The following XIRP2 variants were observed in gnomAD, a reference collection of about 807,000 sequenced individuals.
The protein encoded by XIRP2 is xin actin-binding repeat-containing protein 2.
In XIRP2, 236 loss-of-function variants were observed where a neutral mutation model predicts 277.0. The ratio of observed to expected loss-of-function variants is 0.85; its 90% CI spans 0.77 to 0.95. The LOEUF is 0.95. Among genes scored for constraint, XIRP2 ranks in the 40% least tolerant of loss-of-function variants. The pLI is 0.00. For missense variants in XIRP2, 4,640 were observed against 4,157.5 expected (o/e 1.12, Z -3.19); for synonymous variants, 1,490 against 1,416.5 (o/e 1.05, Z -1.17).
intron 2 of XIRP2, among the ~76,000 whole-genome samples, chr2:166,958,978 T>G (rs2105404950): frequency 6.6e-6 from 1 of 151,900 alleles, no homozygotes; most frequent in Non-Finnish European, 1.5e-5. Context: ...CTCCTCTGCC[T>G]TTTCCAGTGA....
rs992386446 is a variant in XIRP2, at chr2:167,086,927, CCTT to C, written c.409-48976_409-48974del. On this transcript the variant is annotated intron_variant, in intron 2 of 10. Coordinates refer to ENST00000409195, the MANE Select transcript of XIRP2 (RefSeq NM_152381.6). ...CTCAGAGTAATTTGATCGTCTGAAG[CCTT>C]CTTCTGTCAGCTGGCCAAAGTCATT... Among the ~76,000 whole-genome samples the C allele has an allele frequency of 5.9e-3, 901 of 152,320 alleles. 11 individuals are homozygous for C. The highest frequency in any genetic ancestry group is 0.021 in the African/African-American group (856 of 41,560).
At position 167,039,236 on chromosome 2, in the gene XIRP2, GA is replaced by G. The variant is rs558080692; in HGVS notation, c.409-96664del. Among the ~76,000 whole-genome samples the G allele has an allele frequency of 2.7e-3, 412 of 150,614 alleles. 2 individuals are homozygous for G. Among genetic ancestry groups the G allele is most frequent in the Admixed American group, 5.8e-3 (88 of 15,144 alleles). The stretch of plus-strand genomic sequence containing the variant: ...AGAAACAACCTTACTCTTAAATTGT[GA>G]AAAAAAAAGTTTTTCTCAGTAATTC... On this transcript the variant is annotated intron_variant, in intron 2 of 10. Transcript: ENST00000409195.
intron 5 of XIRP2, among the ~76,000 whole-genome samples, chr2:167,229,805 T>C (rs939244053): frequency 5.9e-5 from 9 of 152,174 alleles, no homozygotes; most frequent in African/African-American, 2.2e-4. Context: ...AGAGCCATGC[T>C]GTTGTAGACG....
chr2:167,132,616 A>T (rs536969429), intron 2 of XIRP2, among the ~76,000 whole-genome samples: 1 of 152,012 alleles, frequency 6.6e-6, no homozygotes, highest in East Asian at 1.9e-4. Flanking sequence ...GGCCTTTGTG[A>T]TCTGCTCCCG....
intron 2 of XIRP2, among the ~76,000 whole-genome samples, chr2:167,002,194 A>C (rs980336707): frequency 6.6e-6 from 1 of 152,082 alleles, no homozygotes; most frequent in African/African-American, 2.4e-5. Flanking sequence ...TGCAATTTTA[A>C]AATCAGATTT....
chr2:167,220,138 T>C (rs968483153), intron 5 of XIRP2, among the ~76,000 whole-genome samples: 4 of 152,126 alleles, frequency 2.6e-5, no homozygotes, highest in African/African-American at 7.2e-5. Flanking sequence ...ACCAGGAAAA[T>C]TGGCAAATGC....
chr2:167,082,425 T>C (rs370544414), intron 2 of XIRP2, among the ~76,000 whole-genome samples: 3,321 of 152,076 alleles, frequency 0.022, 51 homozygotes, highest in East Asian at 0.052. Flanking sequence ...TGTGTCTTTA[T>C]AGCAGCATGA....
intron 3 of XIRP2, among the ~76,000 whole-genome samples, chr2:167,196,068 C>G (rs914807390): frequency 1.3e-5 from 2 of 151,942 alleles, no homozygotes; most frequent in Non-Finnish European, 2.9e-5. Context: ...GAGAGAGATT[C>G]ATAGTTCTGC....
chr2:167,102,814 C>T (rs1294710860), intron 2 of XIRP2, among the ~76,000 whole-genome samples: 1 of 152,138 alleles, frequency 6.6e-6, no homozygotes, highest in Non-Finnish European at 1.5e-5. Context: ...CATGGTATAG[C>T]AGACTTGTTG....
chr2:167,230,674 A>G (rs1694723166), intron 5 of XIRP2, among the ~76,000 whole-genome samples: 1 of 152,124 alleles, frequency 6.6e-6, no homozygotes, highest in East Asian at 1.9e-4. Flanking sequence ...AACCACTTTT[A>G]CTGGTTAAAT....
At chr2:167,112,936 C>T (rs1049559957) in intron 2 of XIRP2, among the ~76,000 whole-genome samples, 4 of 152,156 alleles carry the variant, frequency 2.6e-5, no homozygotes, top group African/African-American at 9.6e-5. Context: ...GTTACAGGCA[C>T]GAACCACCAT....
chr2:167,140,769 G>T (rs11902552), intron 3 of XIRP2: 1 of 152,046 alleles, frequency 6.6e-6, no homozygotes, highest in African/African-American at 2.4e-5. Flanking sequence ...TCCATTTTTT[G>T]TATCAGTAAT....
At chr2:167,063,492 G>A (rs1384500278) in intron 2 of XIRP2, among the ~76,000 whole-genome samples, 1 of 151,866 alleles carries the variant, frequency 6.6e-6, no homozygotes, top group African/African-American at 2.4e-5. Context: ...CAATTAATGA[G>A]AAGTGTTGAA....
intron 3 of XIRP2, among the ~76,000 whole-genome samples, chr2:167,192,992 C>T (rs1474985147): frequency 2.0e-5 from 3 of 152,164 alleles, no homozygotes; most frequent in Non-Finnish European, 2.9e-5. Context: ...TGTACTAGTG[C>T]ATGCCCGCTT....
chr2:167,173,234 T>A (rs1692746974), intron 3 of XIRP2, among the ~76,000 whole-genome samples: 1 of 152,202 alleles, frequency 6.6e-6, no homozygotes, highest in South Asian at 2.1e-4. Flanking sequence ...TTTCTAACTT[T>A]TTTTGGACCC....
intron 3 of XIRP2, among the ~76,000 whole-genome samples, chr2:167,189,635 T>C (rs2105364884): frequency 6.6e-6 from 1 of 152,286 alleles, no homozygotes; most frequent in South Asian, 2.1e-4. Context: ...ATTAATGACT[T>C]TTTTAGAACA....
Position 167,246,470 on chromosome 2 carries a change from G to A in XIRP2, c.5078G>A (p.Cys1693Tyr). The A allele has an allele frequency of 1.2e-6, 2 of 1,613,696 alleles. No homozygotes were observed. The highest frequency in any genetic ancestry group is 2.2e-5 in the South Asian group (2 of 91,056). The change falls in exon 9 of 11, where the codon TGT becomes TAT. Residue 1693 changes from cysteine (C) to tyrosine (Y), a missense_variant. Physicochemically the swap from Cys to Tyr is radical, Grantham distance 194. Coordinates refer to ENST00000409195, the MANE Select transcript of XIRP2 (RefSeq NM_152381.6). The part of the protein sequence containing the change: ...EKGDINMTIY[C>Y]LLHENDGDTI... ...GGAGATATTAACATGACTATCTATT[G>A]TCTTCTTCATGAAAATGATGGTGAC...
intron 4 of XIRP2, among the ~76,000 whole-genome samples, chr2:167,217,964 A>G (rs1694305778): frequency 6.6e-6 from 1 of 151,886 alleles, no homozygotes; most frequent in Non-Finnish European, 1.5e-5. Flanking sequence ...ACTTTATATC[A>G]AAAGACTGAT....
chr2:167,213,343 GC>G (rs1397927461), intron 4 of XIRP2, among the ~76,000 whole-genome samples: 1 of 152,100 alleles, frequency 6.6e-6, no homozygotes, highest in Non-Finnish European at 1.5e-5. Flanking sequence ...AAGAGCTGTA[GC>G]CCAAGGTTTT....
Sources: gnomAD v4.1 joint callset for allele counts (sites outside exome capture counted in the v4.1 genomes callset) on GRCh38, gnomAD v4.1.1 for gene constraint, MANE v1.5 for transcripts, NCBI Gene and HGNC (gene_info 2026-07-23, HGNC 2026-07-21) for gene names.